Variants in EFCAB11 observed in about 807,000 individuals in gnomAD.
The protein encoded by EFCAB11 is EF-hand calcium binding domain 11, also known as EF-hand calcium-binding domain-containing protein 11.
A neutral mutation model predicts 23.0 loss-of-function variants in EFCAB11; 14 were observed. The ratio of observed to expected loss-of-function variants is 0.61; its 90% CI spans 0.40 to 0.95. The LOEUF (loss-of-function observed/expected upper bound fraction) is 0.95, where lower values mean the gene tolerates loss of function less well. EFCAB11 is among the 40% of genes least tolerant of loss of function. EFCAB11 has a pLI of 0.00. For missense variants in EFCAB11, 198 were observed against 195.8 expected (o/e 1.01, Z -0.07); for synonymous variants, 65 against 66.6 (o/e 0.98, Z 0.11).
intron 5 of EFCAB11, among the ~76,000 whole-genome samples, chr14:89,812,467 T>C (rs542066622): frequency 6.6e-4 from 101 of 152,294 alleles, no homozygotes; most frequent in African/African-American, 2.4e-3. Context: ...GATTTTACCA[T>C]TCATCTGGAA....
chr14:89,911,632 C>T (rs1889680042), intron 5 of EFCAB11, among the ~76,000 whole-genome samples: 1 of 152,246 alleles, frequency 6.6e-6, no homozygotes, highest in African/African-American at 2.4e-5. Context: ...CTAGTATCCA[C>T]AGTCTTGAGA....
At chr14:89,925,515 A>T (rs149706622) in intron 5 of EFCAB11, among the ~76,000 whole-genome samples, 14 of 152,302 alleles carry the variant, frequency 9.2e-5, no homozygotes, top group Non-Finnish European at 1.3e-4. Context: ...AACAGCTCTT[A>T]TGTCTCTTGA....
intron 5 of EFCAB11, chr14:89,836,906 C>T (rs1366514805): frequency 7.4e-6 from 3 of 403,704 alleles, no homozygotes; most frequent in Non-Finnish European, 1.5e-5. Flanking sequence ...ATAATCCCAT[C>T]TACTTGGGAG....
At chr14:89,832,315 C>T (rs568609501) in intron 5 of EFCAB11, among the ~76,000 whole-genome samples, 1 of 152,208 alleles carries the variant, frequency 6.6e-6, no homozygotes, top group South Asian at 2.1e-4. Context: ...AGCGAGACTC[C>T]GTTTCAAAAC....
At chr14:89,945,057 A>G (rs934564535) in intron 3 of EFCAB11, among the ~76,000 whole-genome samples, 3 of 149,760 alleles carry the variant, frequency 2.0e-5, no homozygotes, top group African/African-American at 2.4e-5. Context: ...TCTAATAATA[A>G]ATCTAATAAA....
At chr14:89,952,120 G>A (rs561980985) in intron 2 of EFCAB11, among the ~76,000 whole-genome samples, 6 of 152,264 alleles carry the variant, frequency 3.9e-5, no homozygotes, top group South Asian at 2.1e-4. Flanking sequence ...AGTGTCACCT[G>A]CATAATAAAA....
intron 5 of EFCAB11, among the ~76,000 whole-genome samples, chr14:89,883,346 G>T (rs1430139344): frequency 1.3e-5 from 2 of 152,176 alleles, no homozygotes; most frequent in Non-Finnish European, 2.9e-5. Context: ...GTCAAAAGGT[G>T]ACTGAATATA....
chr14:89,946,462 G>A lies in EFCAB11; in HGVS notation c.217+3635C>T, dbSNP rs1307823057. ...ATCTCCCTTTCAATGGGGCTGTTGA[G>A]ATCATTTACATCTAACTAAAACATT... is the stretch of plus-strand genomic sequence containing the variant. On this transcript the variant is annotated intron_variant, in intron 3 of 5. Transcript: ENST00000316738. Among the ~76,000 whole-genome samples, 6 of 152,244 alleles carry A rather than the reference G, an allele frequency of 3.9e-5. No homozygotes were observed. In the East Asian group the frequency reaches 1.2e-3, roughly 29 times the overall value.
At chr14:89,859,564 T>G (rs1887857100) in intron 5 of EFCAB11, among the ~76,000 whole-genome samples, 1 of 152,216 alleles carries the variant, frequency 6.6e-6, no homozygotes, top group Non-Finnish European at 1.5e-5. Flanking sequence ...TGATGTTTAG[T>G]CAGTGTGGAG....
At chr14:89,953,699 A>G (rs1253864866) in intron 2 of EFCAB11, among the ~76,000 whole-genome samples, 1 of 152,248 alleles carries the variant, frequency 6.6e-6, no homozygotes, top group Non-Finnish European at 1.5e-5. Flanking sequence ...GTGGTGAGAT[A>G]GGCTTGTGTA....
At chr14:89,892,522 G>A (rs1889004979) in intron 5 of EFCAB11, 2 of 1,160,168 alleles carry the variant, frequency 1.7e-6, no homozygotes, top group South Asian at 1.6e-5. Flanking sequence ...TCTCTCTGGA[G>A]GACAAATGAC....
At position 89,944,791 on chromosome 14, in the gene EFCAB11, G is replaced by A. The variant is rs577483449; in HGVS notation, c.217+5306C>T. ...AACATGTTCTCCTAGCAATAATCCTGAAAGTCTTATTTTAAATGTGATTCT... is the reference window on the plus strand; with the variant it reads ...AACATGTTCTCCTAGCAATAATCCTAAAAGTCTTATTTTAAATGTGATTCT... On this transcript the variant is annotated intron_variant, in intron 3 of 5. Coordinates refer to ENST00000316738, the MANE Select transcript of EFCAB11 (RefSeq NM_145231.4). Among the ~76,000 whole-genome samples the A allele has an allele frequency of 3.3e-5, 5 of 151,676 alleles. No individual in the cohort carries two copies. The South Asian group carries it at 8.3e-4, about 25-fold the overall frequency.
intron 5 of EFCAB11, among the ~76,000 whole-genome samples, chr14:89,910,491 G>A (rs984379862): frequency 1.3e-5 from 2 of 152,064 alleles, no homozygotes; most frequent in Non-Finnish European, 2.9e-5. Context: ...CTAGCTACTC[G>A]AGAGGTTGAG....
Position 89,834,403 on chromosome 14 carries a change from A to AAAAAAAAAAC in EFCAB11, c.411-37080_411-37079insGTTTTTTTTT, listed in dbSNP as rs67216494. On this transcript the variant is annotated intron_variant, in intron 5 of 5. Transcript: ENST00000316738. ...AAAAAAAAAAAAAAAAAAAAAAAAA[A>AAAAAAAAAAC]CCTTTTTGTTTAAACTTCTAAAGAT... 2.0e-4 allele frequency among the ~76,000 whole-genome samples: 20 copies of AAAAAAAAAAC among 101,428 alleles called. 3 individuals carry two copies. The highest frequency in any genetic ancestry group is 1.2e-4 in the Non-Finnish European group (6 of 50,660). The allele number at this position is 101,428 out of a possible 152,430, so 66.5% of individuals were successfully genotyped here.
rs372203877 is a variant in EFCAB11 at position 89,925,898 on chromosome 14, G to A, written c.410+5643C>T. On this transcript the variant is annotated intron_variant, in intron 5 of 5. Transcript: ENST00000316738. ...GGTTGGAGTGCAGTGGCGTGATCTC[G>A]GCTCACTGCAACCCCCGCCTCCAAA... 5.2e-4 allele frequency among the ~76,000 whole-genome samples: 79 copies of A among 152,030 alleles called. No homozygotes were observed. The South Asian group carries it at 0.014, about 27-fold the overall frequency.
chr14:89,797,808 C>T (rs1885625743), intron 5 of EFCAB11, among the ~76,000 whole-genome samples: 1 of 152,110 alleles, frequency 6.6e-6, no homozygotes, highest in African/African-American at 2.4e-5. Flanking sequence ...TGGTGGGCCC[C>T]TGTAATCCCA....
intron 5 of EFCAB11, among the ~76,000 whole-genome samples, chr14:89,889,903 C>T (rs1159486607): frequency 1.3e-5 from 2 of 152,236 alleles, no homozygotes; most frequent in Non-Finnish European, 2.9e-5. Flanking sequence ...CCCATGTACC[C>T]TTCCCGTGTG....
At chr14:89,822,157 G>A (rs1886542227) in intron 5 of EFCAB11, among the ~76,000 whole-genome samples, 2 of 151,816 alleles carry the variant, frequency 1.3e-5, no homozygotes, top group African/African-American at 4.8e-5. Context: ...CTTCTGGTGC[G>A]ACCAGAGATG....
At chr14:89,840,377 A>G (rs1887221143) in intron 5 of EFCAB11, among the ~76,000 whole-genome samples, 1 of 152,240 alleles carries the variant, frequency 6.6e-6, no homozygotes, top group South Asian at 2.1e-4. Context: ...AACCTTAGAG[A>G]AATAGATTTT....
Sources: allele counts gnomAD v4.1 joint callset (sites outside exome capture counted in the v4.1 genomes callset), GRCh38; gene constraint gnomAD v4.1.1; transcripts MANE v1.5; gene names NCBI Gene and HGNC (gene_info 2026-07-23, HGNC 2026-07-21).